Variants in PACSIN1 observed in about 807,000 individuals in gnomAD.
The protein encoded by PACSIN1 is protein kinase C and casein kinase substrate in neurons protein 1.
A neutral mutation model predicts 59.5 loss-of-function variants in PACSIN1; 15 were observed. That is an observed-to-expected ratio of 0.25 (90% CI 0.17 to 0.39). The LOEUF is 0.39. Ranked by LOEUF, PACSIN1 falls within the 10% of genes least tolerant of loss-of-function variation. The pLI, the probability that PACSIN1 is intolerant of heterozygous loss-of-function variation, is 1.00. For missense variants in PACSIN1, 420 were observed against 580.2 expected, an observed-to-expected ratio of 0.72 and a Z score of 2.84; for synonymous variants, 210 against 220.6, an observed-to-expected ratio of 0.95 and a Z score of 0.42.
In PACSIN1 at chr6:34,509,278, G is replaced by A. The variant is rs144840787; in HGVS notation, c.-63-16965G>A. 1.1e-3 allele frequency among the ~76,000 whole-genome samples: 164 copies of A among 152,236 alleles called. 1 individual carries two copies. The highest frequency in any genetic ancestry group is 3.5e-3 in the African/African-American group (144 of 41,548). On this transcript the variant is annotated intron_variant, in intron 1 of 9. Coordinates refer to ENST00000244458, the MANE Select transcript of PACSIN1 (RefSeq NM_020804.5). ...ATTTGTTGAAGAAGAACTATCCTTC[G>A]TATCATTTCCCCACTGTGTATTCTT...
chr6:34,466,994 A>G (rs1766506265), intron 1 of PACSIN1, among the ~76,000 whole-genome samples: 1 of 152,172 alleles, frequency 6.6e-6, no homozygotes, highest in Non-Finnish European at 1.5e-5. Flanking sequence ...GGCCAGACCC[A>G]GCTTCAAGCC....
intron 1 of PACSIN1, among the ~76,000 whole-genome samples, chr6:34,482,659 A>G (rs1341460634): frequency 6.7e-6 from 1 of 148,624 alleles, no homozygotes; most frequent in African/African-American, 2.5e-5. Flanking sequence ...GCTGGGTCAT[A>G]TGGTAACTCT....
chr6:34,512,507 C>A (rs375023153), intron 1 of PACSIN1, among the ~76,000 whole-genome samples: 1 of 152,178 alleles, frequency 6.6e-6, no homozygotes, highest in African/African-American at 2.4e-5. Flanking sequence ...CCAGCTGAGG[C>A]CTCCTCACTC....
chr6:34,527,064 G>C (rs1338131974), intron 2 of PACSIN1, among the ~76,000 whole-genome samples: 2 of 152,168 alleles, frequency 1.3e-5, no homozygotes, highest in East Asian at 3.8e-4. Flanking sequence ...TCTGCATTTT[G>C]TGGCAGCAAG....
chr6:34,505,035 G>C (rs896106618), intron 1 of PACSIN1, among the ~76,000 whole-genome samples: 1 of 151,166 alleles, frequency 6.6e-6, no homozygotes, highest in Admixed American at 6.6e-5. Context: ...GTCTCTGTTG[G>C]AGTGTCGTGG....
intron 1 of PACSIN1, among the ~76,000 whole-genome samples, chr6:34,477,493 C>T (rs538149066): frequency 6.6e-6 from 1 of 152,276 alleles, no homozygotes; most frequent in African/African-American, 2.4e-5. Context: ...TTCCCTGCAA[C>T]AGCTGGGGGA....
At chr6:34,505,632 T>TA (rs1767101091) in intron 1 of PACSIN1, among the ~76,000 whole-genome samples, 1 of 1,658 alleles carries the variant, frequency 6.0e-4, no homozygotes, top group African/African-American at 1.7e-3. Context: ...ACCTCCATAC[T>TA]TTTTTTTTTT....
chr6:34,510,182 C>G (rs759341192), intron 1 of PACSIN1, among the ~76,000 whole-genome samples: 1 of 152,242 alleles, frequency 6.6e-6, no homozygotes, highest in African/African-American at 2.4e-5. Context: ...TGCGTTTTCA[C>G]GGCTGTTAGC....
At chr6:34,522,971 C>T (rs931679767) in intron 1 of PACSIN1, among the ~76,000 whole-genome samples, 7 of 152,238 alleles carry the variant, frequency 4.6e-5, no homozygotes, top group Non-Finnish European at 8.8e-5. Flanking sequence ...CTTCCTTCCT[C>T]AGTCCACTGA....
chr6:34,534,963 TA>T lies in PACSIN1; in HGVS notation c.*2435del, dbSNP rs1767668327. 6.6e-6 allele frequency: 1 copy of T among 152,546 alleles called. No individual in the cohort carries two copies. The highest frequency in any genetic ancestry group is 2.4e-5 in the African/African-American group (1 of 41,416). 9.4% of individuals were successfully genotyped at this position (152,546 alleles called of 1,614,324 possible). A position where few individuals can be genotyped will look rare whatever the true frequency, so the allele number is the denominator to read the frequency against. On this transcript the variant is annotated 3_prime_UTR_variant, in exon 10 of 10. Coordinates refer to ENST00000244458, the MANE Select transcript of PACSIN1 (RefSeq NM_020804.5). ...GCCCGCCCTGGTGGGGCTCGGCGAG[TA>T]ATGTGTTTTGTCCCCAGTTAACCAC... is the stretch of plus-strand genomic sequence containing the variant.
At chr6:34,528,492 T>C (rs1045278381) in intron 3 of PACSIN1, 150 bp from the exon 4 acceptor site, 3 of 646,738 alleles carry the variant, frequency 4.6e-6, no homozygotes, top group African/African-American at 1.8e-5. Context: ...TGGTGGCTGA[T>C]GTGGGCCCTA....
Position 34,528,895 on chromosome 6 carries a change from C to CGTGGGGGGGGG in PACSIN1, c.456+18_456+19insGTGGGGGGGGG. 6.8e-7 allele frequency: 1 copy of CGTGGGGGGGGG among 1,475,046 alleles called. No individual in the cohort carries two copies. The highest frequency in any genetic ancestry group is 9.4e-7 in the Non-Finnish European group (1 of 1,065,348). The allele number at this position is 1,475,046 out of a possible 1,614,324, so 91.4% of individuals were successfully genotyped here. A position where few individuals can be genotyped will look rare whatever the true frequency, so the allele number is the denominator to read the frequency against. On this transcript the variant is annotated intron_variant, in intron 4 of 9. Coordinates refer to ENST00000244458, the MANE Select transcript of PACSIN1 (RefSeq NM_020804.5). ...TGAAGGAGGTGCTCAGTGGGTGCTGCCACGGGCGGGGTGGGGTGGGCCCGT... is the reference window on the plus strand; with the variant it reads ...TGAAGGAGGTGCTCAGTGGGTGCTGCGTGGGGGGGGGCACGGGCGGGGTGGGGTGGGCCCGT...
At chr6:34,486,558 G>A (rs1342429967) in intron 1 of PACSIN1, among the ~76,000 whole-genome samples, 2 of 152,180 alleles carry the variant, frequency 1.3e-5, no homozygotes, top group Non-Finnish European at 2.9e-5. Context: ...GACAGGGAAA[G>A]TGATGTCCCA....
chr6:34,527,346 G>A lies in PACSIN1; in HGVS notation c.78G>A (p.Lys26=), dbSNP rs556645190. 4.4e-6 allele frequency: 7 copies of A among 1,584,476 alleles called. No homozygotes were observed. The African/African-American group carries it at 5.5e-5, about 12-fold the overall frequency. The stretch of plus-strand genomic sequence containing the variant: ...TTGGCCGCCAGGTGGGGAACTACAA[G>A]CGGACCGTGAAGCGCATCGATGACG... The part of the protein sequence containing the change: ...TDSFWEVGNY[K]RTVKRIDDGH... The change falls in exon 3 of 10, where the codon AAG becomes AAA. Residue 26 remains lysine, a synonymous_variant. Coordinates refer to ENST00000244458, the MANE Select transcript of PACSIN1 (RefSeq NM_020804.5).
rs756045042 is a variant in PACSIN1, at chr6:34,526,268, C to G, written c.-38C>G. 7.2e-5 allele frequency: 114 copies of G among 1,580,864 alleles called. No homozygotes were observed. Among genetic ancestry groups the G allele is most frequent in the Non-Finnish European group, 9.4e-5 (108 of 1,153,946 alleles). The stretch of plus-strand genomic sequence containing the variant: ...TGCATGAGCAGCCGAGCCTGCTAAC[C>G]GCAGCTCCGCACTTGTCCATCCCCC... On this transcript the variant is annotated 5_prime_UTR_variant, in exon 2 of 10. Coordinates refer to ENST00000244458, the MANE Select transcript of PACSIN1 (RefSeq NM_020804.5).
chr6:34,490,226 C>CT (rs56754772), intron 1 of PACSIN1, among the ~76,000 whole-genome samples: 31,157 of 102,650 alleles, frequency 0.3, 6,599 homozygotes, highest in African/African-American at 0.51. Flanking sequence ...AATTTAAAAA[C>CT]TTTTTTTTTT....
intron 1 of PACSIN1, among the ~76,000 whole-genome samples, chr6:34,513,428 G>A (rs1259893443): frequency 6.6e-6 from 1 of 152,086 alleles, no homozygotes; most frequent in African/African-American, 2.4e-5. Flanking sequence ...AGTGACCCTT[G>A]CCCGAGGCCC....
chr6:34,502,649 G>T (rs1050639499), intron 1 of PACSIN1, among the ~76,000 whole-genome samples: 4 of 151,640 alleles, frequency 2.6e-5, no homozygotes, highest in Non-Finnish European at 2.9e-5. Flanking sequence ...GCATTTTTTA[G>T]TAGAGACGGG....
rs1201854262 is a variant in PACSIN1, at chr6:34,488,210, G to C, written c.-64+21940G>C. On this transcript the variant is annotated intron_variant, in intron 1 of 9. Coordinates refer to ENST00000244458, the MANE Select transcript of PACSIN1 (RefSeq NM_020804.5). This position sits in a 1 kb window ranked among gnomAD's most constrained non-coding sequence, Gnocchi z 4.7. ...CTGCTCTCCTCAGACCCTGACCATT[G>C]CCCTTTCCCATTTCCCATCAATACC... is the stretch of plus-strand genomic sequence containing the variant. 6.6e-6 allele frequency among the ~76,000 whole-genome samples: 1 copy of C among 152,110 alleles called. No homozygotes were observed. The highest frequency in any genetic ancestry group is 1.5e-5 in the Non-Finnish European group (1 of 68,012).
Sources: gnomAD v4.1 joint callset for allele counts (sites outside exome capture counted in the v4.1 genomes callset) on GRCh38, gnomAD v4.1.1 for gene constraint, Gnocchi (gnomAD v3.1) non-coding constraint, MANE v1.5 for transcripts, NCBI Gene and HGNC (gene_info 2026-07-23, HGNC 2026-07-21) for gene names.